Variants in SH2D4A observed in about 807,000 individuals in gnomAD.
The protein encoded by SH2D4A is SH2 domain-containing protein 4A.
In SH2D4A, 70 loss-of-function variants were observed where a neutral mutation model predicts 64.7. The observed-to-expected ratio is 1.08, with a 90% CI of 0.89 to 1.32. SH2D4A has a LOEUF of 1.32. SH2D4A is among the 40% of genes most tolerant of loss of function. The pLI is 0.00. For missense variants in SH2D4A, 706 were observed against 540.1 expected, an observed-to-expected ratio of 1.31 and a Z score of -3.04; for synonymous variants, 268 against 200.7, an observed-to-expected ratio of 1.34 and a Z score of -2.83.
At chr8:19,357,036 C>CTG (rs1476823209) in intron 4 of SH2D4A, among the ~76,000 whole-genome samples, 167 bp from the exon 5 acceptor site, 1 of 152,160 alleles carries the variant, frequency 6.6e-6, no homozygotes, top group East Asian at 1.9e-4. Flanking sequence ...ATGCCCGTTG[C>CTG]TGTAGTCAGG....
At chr8:19,349,340 A>G (rs1231954628) in intron 4 of SH2D4A, among the ~76,000 whole-genome samples, 1 of 152,254 alleles carries the variant, frequency 6.6e-6, no homozygotes, top group Non-Finnish European at 1.5e-5. Flanking sequence ...ACAAAATGCT[A>G]GCACCTTAAA....
chr8:19,327,618 T>C (rs1270170541), intron 2 of SH2D4A, among the ~76,000 whole-genome samples: 1 of 152,178 alleles, frequency 6.6e-6, no homozygotes, highest in Non-Finnish European at 1.5e-5. Flanking sequence ...TACTCCCGCC[T>C]CTTCCAACAC....
intron 2 of SH2D4A, among the ~76,000 whole-genome samples, chr8:19,326,981 A>G (rs2052291353): frequency 6.6e-6 from 1 of 152,188 alleles, no homozygotes; most frequent in Admixed American, 6.5e-5. Context: ...GGACTGGACC[A>G]AGCCCGGCCA....
At chr8:19,357,349 ATTAG>A in intron 5 of SH2D4A, 66 bp downstream of exon 5, 1 of 1,111,960 alleles carries the variant, frequency 9.0e-7, no homozygotes, top group South Asian at 1.3e-5. Flanking sequence ...TGTTTCACAG[ATTAG>A]TTAATTAATC....
At chr8:19,383,121 T>C (rs2053325916) in intron 8 of SH2D4A, among the ~76,000 whole-genome samples, 1 of 151,564 alleles carries the variant, frequency 6.6e-6, no homozygotes, top group African/African-American at 2.4e-5. Context: ...ATTTGGGAAG[T>C]TTTCATTATT....
chr8:19,364,731 G>C (rs2052961522), intron 7 of SH2D4A, among the ~76,000 whole-genome samples: 1 of 152,188 alleles, frequency 6.6e-6, no homozygotes, highest in South Asian at 2.1e-4. Flanking sequence ...TGATCAGTGG[G>C]AGTACATTTT....
intron 1 of SH2D4A, among the ~76,000 whole-genome samples, chr8:19,316,267 T>C (rs1419735809): frequency 6.6e-6 from 1 of 152,186 alleles, no homozygotes; most frequent in Admixed American, 6.5e-5. Flanking sequence ...ATGAACTAGT[T>C]AATTTTAATG....
At chr8:19,383,549 T>C (rs1287555198) in intron 8 of SH2D4A, among the ~76,000 whole-genome samples, 1 of 152,162 alleles carries the variant, frequency 6.6e-6, no homozygotes, top group Non-Finnish European at 1.5e-5. Flanking sequence ...TCATGCGTTG[T>C]GACTTTTTGC....
intron 4 of SH2D4A, among the ~76,000 whole-genome samples, chr8:19,343,362 G>A (rs115027650): frequency 0.037 from 5,665 of 152,244 alleles, 165 homozygotes; most frequent in South Asian, 0.094. Context: ...GAGCCTGGGA[G>A]GTTGAGGTTT....
chr8:19,335,601 C>T (rs1440700793), intron 4 of SH2D4A, among the ~76,000 whole-genome samples: 2 of 152,132 alleles, frequency 1.3e-5, no homozygotes, highest in Non-Finnish European at 2.9e-5. Context: ...TCCAATAAAA[C>T]TTTATTTTCA....
rs1401526325 is a variant in SH2D4A, at chr8:19,393,316, A to G, written c.1049-2A>G. ...TACCTGCCTTTTTTTGCTTTGCCAC[A>G]GGAATTCTCACACTCAAGAAAGCAA... On this transcript the variant is annotated splice_acceptor_variant, in intron 8 of 9. Coordinates refer to ENST00000265807, the MANE Select transcript of SH2D4A (RefSeq NM_022071.4). LOFTEE classifies it high-confidence loss of function. The G allele has an allele frequency of 6.2e-7, 1 of 1,614,122 alleles. No homozygotes were observed. The highest frequency in any genetic ancestry group is 8.5e-7 in the Non-Finnish European group (1 of 1,180,000).
intron 8 of SH2D4A, among the ~76,000 whole-genome samples, chr8:19,381,855 A>G (rs2053298274): frequency 6.6e-6 from 1 of 151,838 alleles, no homozygotes; most frequent in African/African-American, 2.4e-5. Flanking sequence ...ATGATAGGGT[A>G]TTGCATGTTG....
chr8:19,370,653 G>A (rs1233862087), intron 7 of SH2D4A, among the ~76,000 whole-genome samples: 1 of 151,970 alleles, frequency 6.6e-6, no homozygotes, highest in Non-Finnish European at 1.5e-5. Context: ...CCCCTTGCAG[G>A]CAATGTATAA....
chr8:19,313,805 C>G lies in SH2D4A; in HGVS notation c.-223C>G. ...GTGGCGGGTGATCGAGCCACCCTGC[C>G]CAGGGGCGCCCAGCACTGGTAGGTG... is the stretch of plus-strand genomic sequence containing the variant. On this transcript the variant is annotated 5_prime_UTR_variant, in exon 1 of 10. Coordinates refer to ENST00000265807, the MANE Select transcript of SH2D4A (RefSeq NM_022071.4). The G allele has an allele frequency of 1.3e-6, 2 of 1,508,002 alleles. No homozygotes were observed. The highest frequency in any genetic ancestry group is 2.9e-5 in the African/African-American group (2 of 69,878). The allele number at this position is 1,508,002 out of a possible 1,614,324, so 93.4% of individuals were successfully genotyped here.
intron 1 of SH2D4A, 132 bp downstream of exon 1, chr8:19,313,955 A>T (rs1032992938): frequency 9.6e-5 from 122 of 1,266,062 alleles, no homozygotes; most frequent in Non-Finnish European, 1.2e-4. Context: ...CGGAAGCCTC[A>T]CCCCCGCCTC....
intron 3 of SH2D4A, among the ~76,000 whole-genome samples, chr8:19,334,190 C>A (rs371910442): frequency 6.6e-6 from 1 of 152,008 alleles, no homozygotes; most frequent in Non-Finnish European, 1.5e-5. Context: ...TGAGGACCAC[C>A]GTTCAGTTCC....
At chr8:19,315,003 T>C (rs939740297) in intron 1 of SH2D4A, among the ~76,000 whole-genome samples, 1 of 152,228 alleles carries the variant, frequency 6.6e-6, no homozygotes, top group Admixed American at 6.5e-5. Flanking sequence ...ATAGTTACAC[T>C]GTCCATACCA....
chr8:19,333,586 A>G lies in SH2D4A; in HGVS notation c.341+472A>G, dbSNP rs553875703. Among the ~76,000 whole-genome samples, 11 of 152,270 alleles carry G rather than the reference A, an allele frequency of 7.2e-5. No individual in the cohort carries two copies. The East Asian group carries it at 1.9e-3, about 27-fold the overall frequency. ...TCACTTAGATACAGGCGGCTGGATA[A>G]TCAGGCTCTTTAGGTGCCTACCCAG... On this transcript the variant is annotated intron_variant, in intron 3 of 9. Coordinates refer to ENST00000265807, the MANE Select transcript of SH2D4A (RefSeq NM_022071.4).
In SH2D4A at chr8:19,391,282, A is replaced by G. The variant is rs577166819; in HGVS notation, c.1049-2036A>G. On this transcript the variant is annotated intron_variant, in intron 8 of 9. Transcript: ENST00000265807. ...GAAGGGGAAATAGACAAACAGAAGG[A>G]GCAGCCCGTATCTGTTGGAACTTAG... is the stretch of plus-strand genomic sequence containing the variant. Among the ~76,000 whole-genome samples, 6 of 152,260 alleles carry G rather than the reference A, an allele frequency of 3.9e-5. No homozygotes were observed. In the East Asian group the frequency reaches 1.2e-3, roughly 29 times the overall value.
Sources: gnomAD v4.1 joint callset for allele counts (sites outside exome capture counted in the v4.1 genomes callset) on GRCh38, gnomAD v4.1.1 for gene constraint, MANE v1.5 for transcripts, NCBI Gene and HGNC (gene_info 2026-07-23, HGNC 2026-07-21) for gene names.